Variants in CNPY2 observed in about 807,000 individuals in gnomAD.
CNPY2 encodes canopy FGF signaling regulator 2.
Under a neutral mutation model 25.5 loss-of-function variants are expected in CNPY2, and 19 were observed. The observed-to-expected ratio is 0.74, with a 90% confidence interval of 0.52 to 1.09. The LOEUF (loss-of-function observed/expected upper bound fraction) is 1.09, where lower values mean the gene tolerates loss of function less well. CNPY2 is among the 50% of genes least tolerant of loss of function. The pLI is 0.00. For missense variants in CNPY2, 214 were observed against 233.6 expected, an observed-to-expected ratio of 0.92 and a Z score of 0.55; for synonymous variants, 82 against 85.0, an observed-to-expected ratio of 0.96 and a Z score of 0.19.
In CNPY2 at chr12:56,311,283, A is replaced by G; in HGVS notation, c.336T>C (p.Asn112=). The G allele has an allele frequency of 6.2e-7, 1 of 1,614,190 alleles. No homozygotes were observed. Among genetic ancestry groups the G allele is most frequent in the Non-Finnish European group, 8.5e-7 (1 of 1,180,042 alleles). ...GTAGGTCCAGTTCACTGGATTCTCC[A>G]TTCCGGCCCACTACACGTACGTAGT... ...RKNYVRVVGR[N]GESSELDLQG... is the part of the protein sequence containing the mutation. The change falls in exon 4 of 6, where the codon AAT becomes AAC. Residue 112 remains asparagine (N), a synonymous_variant. Coordinates refer to ENST00000273308, the MANE Select transcript of CNPY2 (RefSeq NM_014255.7).
intron 5 of CNPY2, 127 bp downstream of exon 5, chr12:56,310,831 C>A: frequency 1.1e-6 from 1 of 944,656 alleles, no homozygotes; most frequent in Non-Finnish European, 1.6e-6. Flanking sequence ...GTCCCTAAGC[C>A]AAGGGAAATG....
intron 3 of CNPY2, among the ~76,000 whole-genome samples, chr12:56,312,222 CTTTTTTTTTTTTTT>C (rs56822059): frequency 2.2e-3 from 303 of 135,692 alleles, no homozygotes; most frequent in Middle Eastern, 7.2e-3. Context: ...CAAAGTACTT[CTTTTTTTTTTTTTT>C]TTTTTTTTTT....
In CNPY2 at chr12:56,315,238, T is replaced by C. The variant is rs540501744; in HGVS notation, c.-21A>G. On this transcript the variant is annotated 5_prime_UTR_variant, in exon 2 of 6. Coordinates refer to ENST00000273308, the MANE Select transcript of CNPY2 (RefSeq NM_014255.7). The stretch of plus-strand genomic sequence containing the variant: ...TTCATCTTTAGCGTAATGGGGTCGC[T>C]CCACCTGGGTTTGAGTGGGAATAAA... 3.8e-6 allele frequency: 6 copies of C among 1,597,280 alleles called. No homozygotes were observed. In the African/African-American group the frequency reaches 8.0e-5, roughly 21 times the overall value.
Position 56,314,936 on chromosome 12 carries a change from C to T in CNPY2, c.119G>A (p.Trp40Ter), listed in dbSNP as rs574865113. ...CTTGGGGTCCACCTGGGCAATTTCC[C>T]ATTCTAGTTCATCCACCAGAGCCCT... ...ACRALVDELE[W>*]EIAQVDPKKT... Residue 40 changes from tryptophan to a stop codon, truncating the protein, a stop_gained, in exon 3 of 6, where the codon TGG (tryptophan) becomes TAG (stop). Transcript: ENST00000273308. LOFTEE classifies it high-confidence loss of function. The T allele has an allele frequency of 5.0e-6, 8 of 1,614,114 alleles. No homozygotes were observed. The highest frequency in any genetic ancestry group is 1.7e-5 in the Admixed American group (1 of 60,006).
In CNPY2 at chr12:56,315,252, A is replaced by C. The variant is rs990815922; in HGVS notation, c.-25-10T>G. 1.9e-6 allele frequency: 3 copies of C among 1,541,032 alleles called. No homozygotes were observed. Among genetic ancestry groups the C allele is most frequent in the Non-Finnish European group, 2.7e-6 (3 of 1,116,142 alleles). The stretch of plus-strand genomic sequence containing the variant: ...AATGGGGTCGCTCCACCTGGGTTTG[A>C]GTGGGAATAAAACATAAGTGTGAGG... On this transcript the variant is annotated splice_polypyrimidine_tract_variant and intron_variant, in intron 1 of 5. Transcript: ENST00000273308.
rs749947230 is a variant in CNPY2, at chr12:56,311,379, C to T, written c.240G>A (p.Glu80=). Residue 80 remains glutamate, a synonymous_variant, in exon 4 of 6, where the codon GAG becomes GAA. Coordinates refer to ENST00000273308, the MANE Select transcript of CNPY2 (RefSeq NM_014255.7). ...PYARSEAHLT[E]LLEEICDRMK... Reference sequence around the variant, plus strand: ...TCCGGTCACATATCTCCTCCAGCAGCTCTGTGAGGTGGGCCTCTGAGCGGG... The same window carrying T: ...TCCGGTCACATATCTCCTCCAGCAGTTCTGTGAGGTGGGCCTCTGAGCGGG... 3.2e-5 allele frequency: 51 copies of T among 1,614,052 alleles called. No homozygotes were observed. In the East Asian group the frequency reaches 1.1e-3, roughly 35 times the overall value.
Position 56,310,339 on chromosome 12 carries a change from C to T in CNPY2, c.*213G>A, listed in dbSNP as rs1873680809. On this transcript the variant is annotated 3_prime_UTR_variant, in exon 6 of 6. Coordinates refer to ENST00000273308, the MANE Select transcript of CNPY2 (RefSeq NM_014255.7). ...ATCCTGTATCAATCCCAAAACTCTT[C>T]TTTCTCCTCCATTATCTTTCCTGTC... is the stretch of plus-strand genomic sequence containing the variant. 1 of 607,866 alleles carries T rather than the reference C, an allele frequency of 1.6e-6. No individual in the cohort carries two copies. Among genetic ancestry groups the T allele is most frequent in the South Asian group, 2.0e-5 (1 of 49,162 alleles). 37.7% of individuals were successfully genotyped at this position (607,866 alleles called of 1,614,324 possible).
chr12:56,309,916 A>T lies in CNPY2; in HGVS notation c.*636T>A, dbSNP rs779409393. 15 of 702,180 alleles carry T rather than the reference A, an allele frequency of 2.1e-5. No individual in the cohort carries two copies. Among genetic ancestry groups the T allele is most frequent in the Middle Eastern group, 2.3e-4 (1 of 4,386 alleles). The allele number at this position is 702,180 out of a possible 1,614,324, so 43.5% of individuals were successfully genotyped here. A position where few individuals can be genotyped will look rare whatever the true frequency, so the allele number is the denominator to read the frequency against. On this transcript the variant is annotated 3_prime_UTR_variant, in exon 6 of 6. Coordinates refer to ENST00000273308, the MANE Select transcript of CNPY2 (RefSeq NM_014255.7). The stretch of plus-strand genomic sequence containing the variant: ...CTTAGGCTGGCAAGCAAGGCCTCTC[A>T]TTAAACAACCTTCCTTACCTCGTCT...
intron 5 of CNPY2, 88 bp downstream of exon 5, chr12:56,310,870 G>A (rs1873693870): frequency 2.5e-6 from 3 of 1,214,582 alleles, no homozygotes; most frequent in Non-Finnish European, 3.6e-6. Context: ...AATACCAGAG[G>A]TTTCTGGGAT....
chr12:56,311,804 G>A (rs543020629), intron 3 of CNPY2: 4 of 297,144 alleles, frequency 1.3e-5, no homozygotes, highest in East Asian at 1.9e-4. Context: ...TGCCTGCCTC[G>A]GCATCCCAAA....
chr12:56,310,050 G>A lies in CNPY2; in HGVS notation c.*502C>T, dbSNP rs908148483. On this transcript the variant is annotated 3_prime_UTR_variant, in exon 6 of 6. Coordinates refer to ENST00000273308, the MANE Select transcript of CNPY2 (RefSeq NM_014255.7). ...TCCATCTGGATGGGCAGGGAAGGAA[G>A]AATAATGCATATCCGTTATTTCCTT... is the stretch of plus-strand genomic sequence containing the variant. 1 of 697,568 alleles carries A rather than the reference G, an allele frequency of 1.4e-6. No homozygotes were observed. The highest frequency in any genetic ancestry group is 2.6e-6 in the Non-Finnish European group (1 of 382,936). The allele number at this position is 697,568 out of a possible 1,614,324, so 43.2% of individuals were successfully genotyped here.
At chr12:56,312,033 C>T (rs1873731902) in intron 3 of CNPY2, 1 of 153,138 alleles carries the variant, frequency 6.5e-6, no homozygotes, top group Admixed American at 6.5e-5. Context: ...GCGCCCACCA[C>T]CACGCCCAGC....
chr12:56,311,797 C>T (rs781503206), intron 3 of CNPY2: 1 of 303,388 alleles, frequency 3.3e-6, no homozygotes, highest in Non-Finnish European at 6.4e-6. Flanking sequence ...GGTGATCTGC[C>T]TGCCTCGGCA....
At chr12:56,314,732 CA>C in intron 3 of CNPY2, 118 bp downstream of exon 3, 11 of 1,552,884 alleles carry the variant, frequency 7.1e-6, no homozygotes, top group Non-Finnish European at 9.6e-6. Flanking sequence ...GAGACAGAGC[CA>C]AATCTTTTTT....
chr12:56,316,059 G>A (rs1873934660), upstream of CNPY2: 1 of 152,556 alleles, frequency 6.6e-6, no homozygotes, highest in African/African-American at 2.4e-5. Context: ...GCCCCAATCA[G>A]ACACCGACCC....
rs1873677240 is a variant in CNPY2 at position 56,310,176 on chromosome 12, G to A, written c.*376C>T. 2 of 606,498 alleles carry A rather than the reference G, an allele frequency of 3.3e-6. No homozygotes were observed. Among genetic ancestry groups the A allele is most frequent in the Non-Finnish European group, 5.8e-6 (2 of 342,848 alleles). The allele number at this position is 606,498 out of a possible 1,614,324, so 37.6% of individuals were successfully genotyped here. A position where few individuals can be genotyped will look rare whatever the true frequency, so the allele number is the denominator to read the frequency against. On this transcript the variant is annotated 3_prime_UTR_variant, in exon 6 of 6. Transcript: ENST00000273308. ...ACACTATGTTCCCCTGCTTCCTCAT[G>A]GAGGTTCCTCTATTCTCCACAATTA... is the stretch of plus-strand genomic sequence containing the variant.
Position 56,309,913 on chromosome 12 carries a change from C to T in CNPY2, c.*639G>A. The T allele has an allele frequency of 1.4e-6, 1 of 702,282 alleles. No individual in the cohort carries two copies. The highest frequency in any genetic ancestry group is 1.7e-5 in the African/African-American group (1 of 57,356). The allele number at this position is 702,282 out of a possible 1,614,324, so 43.5% of individuals were successfully genotyped here. On this transcript the variant is annotated 3_prime_UTR_variant, in exon 6 of 6. Coordinates refer to ENST00000273308, the MANE Select transcript of CNPY2 (RefSeq NM_014255.7). ...AAGCTTAGGCTGGCAAGCAAGGCCT[C>T]TCATTAAACAACCTTCCTTACCTCG...
intron 3 of CNPY2, among the ~76,000 whole-genome samples, chr12:56,312,100 G>A (rs894286837): frequency 6.6e-6 from 1 of 151,864 alleles, no homozygotes; most frequent in East Asian, 1.9e-4. Flanking sequence ...GGATGGTCTC[G>A]ATCTCCTGAC....
chr12:56,314,734 A>T, intron 3 of CNPY2, 117 bp downstream of exon 3: 1 of 1,556,018 alleles, frequency 6.4e-7, no homozygotes, highest in South Asian at 1.2e-5. Context: ...GACAGAGCCA[A>T]ATCTTTTTTC....
Sources: allele counts gnomAD v4.1 joint callset (sites outside exome capture counted in the v4.1 genomes callset), GRCh38; gene constraint gnomAD v4.1.1; transcripts MANE v1.5; gene names NCBI Gene and HGNC (gene_info 2026-07-23, HGNC 2026-07-21).